The following SCAPER variants were observed in gnomAD, a reference collection of about 807,000 sequenced individuals.
The protein encoded by SCAPER is S-phase cyclin A associated protein in the ER.
A neutral mutation model predicts 182.2 loss-of-function variants in SCAPER; 98 were observed. That is an observed-to-expected ratio of 0.54 (90% CI 0.46 to 0.64). SCAPER has a LOEUF of 0.64. SCAPER is among the 30% of genes least tolerant of loss of function. The pLI is 0.00. For synonymous variants in SCAPER, 605 were observed against 564.6 expected (o/e 1.07, Z -1.01); for missense variants, 1,432 against 1,690.0 (o/e 0.85, Z 2.68).
At chr15:76,414,635 TAAAC>T (rs1171131606) in intron 26 of SCAPER, among the ~76,000 whole-genome samples, 3 of 152,072 alleles carry the variant, frequency 2.0e-5, no homozygotes, top group African/African-American at 7.2e-5. Flanking sequence ...AAATTAATAT[TAAAC>T]AAACTAGACT....
At chr15:76,396,016 G>A (rs2044026385) in intron 27 of SCAPER, among the ~76,000 whole-genome samples, 1 of 152,240 alleles carries the variant, frequency 6.6e-6, no homozygotes, top group African/African-American at 2.4e-5. Flanking sequence ...TTCTGTATAT[G>A]GTGAGAGACA....
chr15:76,871,925 AT>A (rs2072762058), intron 2 of SCAPER, among the ~76,000 whole-genome samples: 1 of 152,118 alleles, frequency 6.6e-6, no homozygotes, highest in Admixed American at 6.5e-5. Flanking sequence ...TATTGCACAG[AT>A]TTCTTGATTA....
intron 2 of SCAPER, among the ~76,000 whole-genome samples, chr15:76,876,364 G>A (rs905811321): frequency 1.3e-5 from 2 of 150,426 alleles, no homozygotes; most frequent in Non-Finnish European, 1.5e-5. Context: ...CTGCCAGCAC[G>A]CTGTCACCTC....
intron 25 of SCAPER, among the ~76,000 whole-genome samples, chr15:76,447,313 G>A (rs966188572): frequency 1.3e-5 from 2 of 152,024 alleles, no homozygotes; most frequent in African/African-American, 4.8e-5. Context: ...ACTGGTAAAT[G>A]TAAGTGTTTC....
At chr15:76,695,596 C>CA (rs36040189) in intron 20 of SCAPER, among the ~76,000 whole-genome samples, 36,911 of 111,684 alleles carry the variant, frequency 0.33, 5,631 homozygotes, top group East Asian at 0.62. Flanking sequence ...GACTCCGTCT[C>CA]AAAAAAAAAA....
intron 21 of SCAPER, among the ~76,000 whole-genome samples, chr15:76,624,883 T>C (rs895939687): frequency 4.6e-5 from 7 of 152,084 alleles, no homozygotes; most frequent in Non-Finnish European, 8.8e-5. Flanking sequence ...TCTGGGGCCA[T>C]GGTAAGGGCA....
chr15:76,573,782 G>C (rs917341029), intron 23 of SCAPER, among the ~76,000 whole-genome samples: 5 of 152,156 alleles, frequency 3.3e-5, no homozygotes, highest in African/African-American at 1.2e-4. Context: ...GGAATCAGGG[G>C]ATATTGGTGT....
intron 21 of SCAPER, among the ~76,000 whole-genome samples, chr15:76,643,835 T>C (rs975068538): frequency 2.6e-5 from 4 of 152,212 alleles, no homozygotes; most frequent in Non-Finnish European, 5.9e-5. Flanking sequence ...ATAAAATTGC[T>C]AGTAAGAGCT....
chr15:76,835,866 T>C (rs544382623), intron 5 of SCAPER, among the ~76,000 whole-genome samples: 2 of 151,170 alleles, frequency 1.3e-5, no homozygotes, highest in African/African-American at 2.4e-5. Context: ...ATCAGTAGCA[T>C]TTCTATACAC....
intron 24 of SCAPER, among the ~76,000 whole-genome samples, chr15:76,490,170 G>C (rs2052146241): frequency 6.6e-6 from 1 of 152,176 alleles, no homozygotes; most frequent in South Asian, 2.1e-4. Context: ...CCAGAAATGA[G>C]AATGCTGGGT....
At position 76,712,225 on chromosome 15, in the gene SCAPER, T is replaced by G. The variant is rs532662950; in HGVS notation, c.2166-6241A>C. Among the ~76,000 whole-genome samples the G allele has an allele frequency of 2.0e-5, 3 of 152,272 alleles. No homozygotes were observed. The East Asian group carries it at 5.8e-4, about 29-fold the overall frequency. ...TTCCCCATTGCTTCTTTTTCTCAGGTTTGTCAAAGATCAGGTAGTTGTAGA... is the reference window on the plus strand; with the variant it reads ...TTCCCCATTGCTTCTTTTTCTCAGGGTTGTCAAAGATCAGGTAGTTGTAGA... On this transcript the variant is annotated intron_variant, in intron 17 of 31. Transcript: ENST00000563290.
rs555135986 is a variant in SCAPER, at chr15:76,734,582, T to C, written c.1867-1198A>G. 6.6e-5 allele frequency among the ~76,000 whole-genome samples: 10 copies of C among 152,262 alleles called. No individual in the cohort carries two copies. In the South Asian group the frequency reaches 1.9e-3, roughly 28 times the overall value. Reference sequence around the variant, plus strand: ...ATCCTTCAAACTGTACTGAACGTACTCAAAATACAAGATAGGCCAGGTGTG... The same window carrying C: ...ATCCTTCAAACTGTACTGAACGTACCCAAAATACAAGATAGGCCAGGTGTG... On this transcript the variant is annotated intron_variant, in intron 15 of 31. Coordinates refer to ENST00000563290, the MANE Select transcript of SCAPER (RefSeq NM_020843.4).
At chr15:76,720,301 G>C (rs1055837650) in intron 17 of SCAPER, among the ~76,000 whole-genome samples, 2 of 151,906 alleles carry the variant, frequency 1.3e-5, no homozygotes, top group Non-Finnish European at 2.9e-5. Flanking sequence ...GTGTATATGT[G>C]CCACATTTTC....
At chr15:76,783,523 A>T (rs2064325388) in intron 8 of SCAPER, among the ~76,000 whole-genome samples, 1 of 152,214 alleles carries the variant, frequency 6.6e-6, no homozygotes, top group African/African-American at 2.4e-5. Context: ...ATCCTCCCTA[A>T]CTCATTTTAT....
chr15:76,640,538 C>T (rs2054017428), intron 21 of SCAPER, among the ~76,000 whole-genome samples: 2 of 152,118 alleles, frequency 1.3e-5, no homozygotes, highest in African/African-American at 4.8e-5. Context: ...TAATCTCAAC[C>T]CCATTCAATG....
chr15:76,752,894 CAAAAAA>C (rs147340880), intron 15 of SCAPER, among the ~76,000 whole-genome samples: 1 of 149,612 alleles, frequency 6.7e-6, no homozygotes, highest in East Asian at 2.0e-4. Flanking sequence ...GTTTTTCCCA[CAAAAAA>C]AATAGGAAAA....
intron 6 of SCAPER, among the ~76,000 whole-genome samples, chr15:76,803,824 G>C (rs79830200): frequency 0.015 from 2,357 of 152,204 alleles, 36 homozygotes; most frequent in Non-Finnish European, 0.022. Context: ...TATGAATTTT[G>C]GGAAGGCACA....
chr15:76,809,711 CCCAAA>C (rs1487831198), intron 5 of SCAPER, among the ~76,000 whole-genome samples: 1 of 152,062 alleles, frequency 6.6e-6, no homozygotes, highest in African/African-American at 2.4e-5. Context: ...CTGAAAACTT[CCCAAA>C]CCTGGGTGAG....
chr15:76,556,692 G>A (rs1174464195), intron 23 of SCAPER, among the ~76,000 whole-genome samples: 5 of 151,426 alleles, frequency 3.3e-5, no homozygotes, highest in Admixed American at 3.3e-4. Context: ...CTGAAAGACT[G>A]AACAGACCAA....
Sources: gnomAD v4.1 joint callset for allele counts (sites outside exome capture counted in the v4.1 genomes callset) on GRCh38, gnomAD v4.1.1 for gene constraint, MANE v1.5 for transcripts, NCBI Gene and HGNC (gene_info 2026-07-23, HGNC 2026-07-21) for gene names.